CASP2: variants seen among roughly 807,000 people sequenced by gnomAD.
CASP2 encodes the protein caspase 2, also known as caspase-2.
In CASP2, 38 loss-of-function variants were observed where a neutral mutation model predicts 54.4. That is an observed-to-expected ratio of 0.70 (90% CI 0.54 to 0.92). CASP2 has a LOEUF of 0.92. Ranked by LOEUF, CASP2 falls within the 40% of genes least tolerant of loss-of-function variation. The pLI is 0.00. For missense variants in CASP2, 512 were observed against 579.6 expected (o/e 0.88, Z 1.20); for synonymous variants, 215 against 216.3 (o/e 0.99, Z 0.05).
At chr7:143,299,810 A>G (rs760871135) in intron 6 of CASP2, 113 bp from the exon 7 acceptor site, 1 of 1,173,528 alleles carries the variant, frequency 8.5e-7, no homozygotes. Context: ...CCACAGGAAT[A>G]TACATAAAGC....
intron 8 of CASP2, 110 bp downstream of exon 8, chr7:143,300,404 T>A (rs997127318): frequency 1.9e-5 from 31 of 1,599,140 alleles, no homozygotes; most frequent in Non-Finnish European, 2.5e-5. Flanking sequence ...CTTGGGCACC[T>A]CCTTCTGTTC....
intron 6 of CASP2, among the ~76,000 whole-genome samples, chr7:143,298,234 AGT>A (rs957323405): frequency 1.3e-5 from 2 of 152,202 alleles, no homozygotes; most frequent in Non-Finnish European, 2.9e-5. Context: ...TTATTTTGGC[AGT>A]GTGTGTGATT....
rs546982678 is a variant in CASP2 at position 143,307,212 on chromosome 7, A to C, written c.*2141A>C. The C allele has an allele frequency of 6.6e-6, 1 of 152,200 alleles. No homozygotes were observed. The highest frequency in any genetic ancestry group is 2.1e-4 in the South Asian group (1 of 4,818). 9.4% of individuals were successfully genotyped at this position (152,200 alleles called of 1,614,324 possible). ...TTACTTGTTCATTTCTGTCTCCCCT[A>C]CCAGGCTGTAAATGAGGGCAGAAAC... is the stretch of plus-strand genomic sequence containing the variant. On this transcript the variant is annotated 3_prime_UTR_variant, in exon 11 of 11. Coordinates refer to ENST00000310447, the MANE Select transcript of CASP2 (RefSeq NM_032982.4).
intron 8 of CASP2, 93 bp downstream of exon 8, chr7:143,300,387 T>G (rs1178681364): frequency 6.2e-7 from 1 of 1,601,028 alleles, no homozygotes; most frequent in Non-Finnish European, 8.5e-7. Flanking sequence ...CAGGTGCTAT[T>G]GGATCCCTTG....
intron 6 of CASP2, among the ~76,000 whole-genome samples, chr7:143,296,285 G>A: frequency 6.6e-6 from 1 of 152,312 alleles, no homozygotes; most frequent in East Asian, 1.9e-4. Context: ...TTGCAGTAGA[G>A]TTGAACTTCA....
rs769808432 is a variant in CASP2 at position 143,294,677 on chromosome 7, A to T, written c.651A>T (p.Glu217Asp). The change falls in exon 6 of 11, where the codon GAA becomes GAT. Residue 217 changes from glutamate to aspartate, a missense_variant. By Grantham distance (45) the Glu-to-Asp change is conservative. Coordinates refer to ENST00000310447, the MANE Select transcript of CASP2 (RefSeq NM_032982.4). ...ACTTCACTGGAGAGAAAGAACTGGA[A>T]TTTCGCTCTGGAGGGGATGTGGACC... ...NVHFTGEKELEFRSGGDVDHS... is the reference protein window; with the variant it reads ...NVHFTGEKELDFRSGGDVDHS... The T allele has an allele frequency of 6.2e-7, 1 of 1,614,146 alleles. No homozygotes were observed. The highest frequency in any genetic ancestry group is 8.5e-7 in the Non-Finnish European group (1 of 1,179,988).
intron 4 of CASP2, chr7:143,293,299 T>A (rs1295164050): frequency 2.3e-6 from 1 of 442,172 alleles, no homozygotes; most frequent in Admixed American, 3.9e-5. Context: ...AGCTCATTTT[T>A]AAATTTTTTG....
At chr7:143,300,973 A>T (rs1435060948) in intron 8 of CASP2, 29 of 987,398 alleles carry the variant, frequency 2.9e-5, no homozygotes, top group African/African-American at 5.3e-5. Context: ...AAGAGCCCTA[A>T]CTTTGGAGTC....
chr7:143,300,546 T>A, intron 8 of CASP2: 1 of 1,525,714 alleles, frequency 6.6e-7, no homozygotes, highest in South Asian at 1.2e-5. Context: ...AGGTCTCTTA[T>A]CCCGTGTCTT....
At chr7:143,300,092 T>C in intron 7 of CASP2, 41 bp downstream of exon 7, 2 of 1,614,072 alleles carry the variant, frequency 1.2e-6, no homozygotes, top group Admixed American at 1.7e-5. Flanking sequence ...GAAACCAGGC[T>C]GCTTTACCTC....
chr7:143,297,981 C>G (rs2116788014), intron 6 of CASP2, among the ~76,000 whole-genome samples: 1 of 152,274 alleles, frequency 6.6e-6, no homozygotes, highest in East Asian at 1.9e-4. Flanking sequence ...AGTTATATTG[C>G]AGACTTTCAA....
At chr7:143,296,425 ATCT>A (rs1271630905) in intron 6 of CASP2, among the ~76,000 whole-genome samples, 2 of 152,224 alleles carry the variant, frequency 1.3e-5, no homozygotes, top group African/African-American at 4.8e-5. Flanking sequence ...TAGAGAAAAA[ATCT>A]TCTGTCATAG....
intron 6 of CASP2, 115 bp downstream of exon 6, chr7:143,294,888 C>T: frequency 3.2e-6 from 3 of 928,244 alleles, no homozygotes; most frequent in Non-Finnish European, 5.1e-6. Context: ...TTGGTTTATT[C>T]TACTTACATT....
chr7:143,292,652 G>A lies in CASP2; in HGVS notation c.429G>A (p.Pro143=), dbSNP rs143560034. The A allele has an allele frequency of 5.0e-5, 81 of 1,613,268 alleles. 1 individual carries two copies. Among genetic ancestry groups the A allele is most frequent in the Non-Finnish European group, 6.5e-5 (77 of 1,180,018 alleles). The change falls in exon 4 of 11, where the codon CCG becomes CCA. Residue 143 remains proline, a synonymous_variant. Transcript: ENST00000310447. ...SCDYDLSLPF[P]VCESCPLYKK... ...ACTACGACTTGAGTCTCCCTTTTCC[G>A]GTGTGTGAGTCCTGTCCCCTTTACA...
At chr7:143,288,657 C>A in intron 1 of CASP2, 128 bp downstream of exon 1, 2 of 899,808 alleles carry the variant, frequency 2.2e-6, no homozygotes, top group Non-Finnish European at 3.4e-6. Flanking sequence ...CGCTTCCTGC[C>A]AAGGGTGGGA....
chr7:143,288,712 C>T (rs1237099511), intron 1 of CASP2, among the ~76,000 whole-genome samples, 183 bp downstream of exon 1: 1 of 152,230 alleles, frequency 6.6e-6, no homozygotes, highest in Non-Finnish European at 1.5e-5. Context: ...CAAGGGCCCG[C>T]GGGCGGACCT....
intron 3 of CASP2, 23 bp downstream of exon 3, chr7:143,292,490 G>T (rs1198876123): frequency 6.2e-7 from 1 of 1,613,720 alleles, no homozygotes; most frequent in East Asian, 2.2e-5. Context: ...AGTAATATGG[G>T]GTGTTGGGAA....
Position 143,292,678 on chromosome 7 carries a change from A to G in CASP2, c.455A>G (p.Lys152Arg). The G allele has an allele frequency of 1.2e-6, 2 of 1,612,864 alleles. 1 individual carries two copies. Among genetic ancestry groups the G allele is most frequent in the South Asian group, 2.2e-5 (2 of 91,020 alleles). ...GTGTGTGAGTCCTGTCCCCTTTACA[A>G]GAAGCTCCGCCTGTCGACAGGTGAG... is the stretch of plus-strand genomic sequence containing the variant. ...FPVCESCPLY[K>R]KLRLSTDTVE... is the part of the protein sequence containing the mutation. Residue 152 changes from lysine (K) to arginine (R), a missense_variant, in exon 4 of 11, where the codon AAG (lysine) becomes AGG (arginine). By Grantham distance (26) the Lys-to-Arg change is conservative (BLOSUM62 2). This residue lies in a region of CASP2 where 417 missense variants were observed against 495.4 expected (regional missense o/e 0.84). Transcript: ENST00000310447.
At chr7:143,299,825 T>C in intron 6 of CASP2, 98 bp from the exon 7 acceptor site, 4 of 1,382,332 alleles carry the variant, frequency 2.9e-6, no homozygotes, top group Admixed American at 1.7e-5. Flanking sequence ...TAAAGCGTTT[T>C]ATCTTCTAAT....
Sources: allele counts gnomAD v4.1 joint callset (sites outside exome capture counted in the v4.1 genomes callset), GRCh38; gene constraint gnomAD v4.1.1; regional missense constraint gnomAD v4.1.1; transcripts MANE v1.5; gene names NCBI Gene and HGNC (gene_info 2026-07-23, HGNC 2026-07-21).